NSUN4: variants seen among roughly 807,000 people sequenced by gnomAD.
NSUN4 encodes 5-cytosine rRNA methyltransferase NSUN4.
A neutral mutation model predicts 43.8 loss-of-function variants in NSUN4; 31 were observed. That is an observed-to-expected ratio of 0.71 (90% confidence interval 0.53 to 0.96). The LOEUF is 0.96. NSUN4 is among the 40% of genes least tolerant of loss of function. The pLI is 0.00. For missense variants in NSUN4, 439 were observed against 475.6 expected, an observed-to-expected ratio of 0.92 and a Z score of 0.72; for synonymous variants, 167 against 184.1, an observed-to-expected ratio of 0.91 and a Z score of 0.75.
Position 46,364,422 on chromosome 1 carries a change from AT to A in NSUN4, c.*2577del, listed in dbSNP as rs1664062391. ...CCAGGTGCGGTGGCTCACGCCTGTA[AT>A]CCCAAAACTTTGGAAGGCTGAGGCA... On this transcript the variant is annotated 3_prime_UTR_variant, in exon 6 of 6. Transcript: ENST00000474844. The A allele has an allele frequency of 1.3e-5, 2 of 152,018 alleles. No individual in the cohort carries two copies. Among genetic ancestry groups the A allele is most frequent in the African/African-American group, 4.8e-5 (2 of 41,314 alleles). The allele number at this position is 152,018 out of a possible 1,614,324, so 9.4% of individuals were successfully genotyped here. A position where few individuals can be genotyped will look rare whatever the true frequency, so the allele number is the denominator to read the frequency against.
chr1:46,369,223 G>A (rs1182532077), downstream of NSUN4, among the ~76,000 whole-genome samples: 1 of 152,082 alleles, frequency 6.6e-6, no homozygotes, highest in Non-Finnish European at 1.5e-5. Flanking sequence ...ACTTTCCATG[G>A]CCACTTTTTC....
chr1:46,347,157 G>T (rs1395358037), intron 3 of NSUN4, 82 bp downstream of exon 3: 6 of 1,431,376 alleles, frequency 4.2e-6, no homozygotes. Flanking sequence ...GGTAGGTTCG[G>T]CCAGGCGCAG....
chr1:46,368,498 C>A (rs942618549), downstream of NSUN4, among the ~76,000 whole-genome samples: 3 of 152,104 alleles, frequency 2.0e-5, no homozygotes, highest in Non-Finnish European at 4.4e-5. Flanking sequence ...AAGCCTGGAC[C>A]AATCTGCTGG....
chr1:46,341,153 T>A, intron 1 of NSUN4: 1 of 1,302,198 alleles, frequency 7.7e-7, no homozygotes, highest in Non-Finnish European at 9.8e-7. Context: ...CCAAGTTGCG[T>A]CATCACCTTC....
At position 46,362,017 on chromosome 1, in the gene NSUN4, C is replaced by A; in HGVS notation, c.*171C>A. 1 of 645,954 alleles carries A rather than the reference C, an allele frequency of 1.5e-6. No individual in the cohort carries two copies. Among genetic ancestry groups the A allele is most frequent in the Non-Finnish European group, 2.6e-6 (1 of 377,820 alleles). The allele number at this position is 645,954 out of a possible 1,614,324, so 40.0% of individuals were successfully genotyped here. ...GTAGAAGATTTGCTGTCCTGCTGTC[C>A]AATTGTGGAGCATCAGCAGGTTTCC... On this transcript the variant is annotated 3_prime_UTR_variant, in exon 6 of 6. Transcript: ENST00000474844.
At chr1:46,353,621 G>A (rs377225698) in intron 4 of NSUN4, among the ~76,000 whole-genome samples, 1 of 151,790 alleles carries the variant, frequency 6.6e-6, no homozygotes, top group Admixed American at 6.6e-5. Flanking sequence ...GATTACAAGC[G>A]CCCACCACCA....
chr1:46,362,241 G>A lies in NSUN4; in HGVS notation c.*395G>A. 5.1e-6 allele frequency: 1 copy of A among 195,994 alleles called. No individual in the cohort carries two copies. The highest frequency in any genetic ancestry group is 1.0e-5 in the Non-Finnish European group (1 of 95,766). The allele number at this position is 195,994 out of a possible 1,614,324, so 12.1% of individuals were successfully genotyped here. The stretch of plus-strand genomic sequence containing the variant: ...CTTCATGTCAGTGCAAATGCCATTA[G>A]TTCCATTTGTACCAGCCAGTTACTG... On this transcript the variant is annotated 3_prime_UTR_variant, in exon 6 of 6. Transcript: ENST00000474844.
intron 2 of NSUN4, 75 bp from the exon 3 acceptor site, chr1:46,346,846 T>G: frequency 3.1e-6 from 4 of 1,272,590 alleles, no homozygotes; most frequent in Non-Finnish European, 4.4e-6. Context: ...CCAGAGGGCA[T>G]AGACTTGGTG....
chr1:46,344,589 G>C (rs1342157212), intron 1 of NSUN4, among the ~76,000 whole-genome samples: 2 of 152,152 alleles, frequency 1.3e-5, no homozygotes, highest in Non-Finnish European at 2.9e-5. Context: ...AGTACCGTGA[G>C]AGTTACATCT....
At chr1:46,360,909 C>A in intron 5 of NSUN4, 81 bp downstream of exon 5, 1 of 1,477,016 alleles carries the variant, frequency 6.8e-7, no homozygotes. Flanking sequence ...TTACCAAGAC[C>A]ATAACCCACA....
At chr1:46,371,563 C>G in the NSUN4 span, among the ~76,000 whole-genome samples, 1 of 152,140 alleles carries the variant, frequency 6.6e-6, no homozygotes, top group African/African-American at 2.4e-5. Context: ...ACCTCGGCCT[C>G]CCAAAGTTCT....
At chr1:46,371,557 C>T in the NSUN4 span, among the ~76,000 whole-genome samples, 1 of 152,118 alleles carries the variant, frequency 6.6e-6, no homozygotes, top group Non-Finnish European at 1.5e-5. Context: ...CCGCCCACCT[C>T]GGCCTCCCAA....
chr1:46,365,904 G>A (rs1449315906), downstream of NSUN4, among the ~76,000 whole-genome samples: 1 of 152,058 alleles, frequency 6.6e-6, no homozygotes, highest in South Asian at 2.1e-4. Context: ...GAGGCGGGCG[G>A]ATCACTTAAG....
At chr1:46,361,507 T>C (rs1012317319) in intron 5 of NSUN4, 63 bp from the exon 6 acceptor site, 2 of 1,482,068 alleles carry the variant, frequency 1.3e-6, no homozygotes, top group African/African-American at 2.8e-5. Flanking sequence ...TCCAGCTCCT[T>C]ATGTTGCTCT....
intron 1 of NSUN4, chr1:46,343,372 C>G (rs929861058): frequency 1.0e-5 from 4 of 399,702 alleles, no homozygotes; most frequent in South Asian, 1.3e-4. Context: ...GATACTGTCC[C>G]CTGTGGCCTC....
intron 3 of NSUN4, among the ~76,000 whole-genome samples, chr1:46,351,248 C>T (rs1438139113): frequency 2.0e-5 from 3 of 152,166 alleles, no homozygotes; most frequent in African/African-American, 7.2e-5. Flanking sequence ...CCTGTAATCC[C>T]AGCTACTCGG....
chr1:46,370,250 A>C, the NSUN4 span, among the ~76,000 whole-genome samples: 3 of 152,170 alleles, frequency 2.0e-5, no homozygotes, highest in South Asian at 6.2e-4. Context: ...ATGTGTTTTG[A>C]GTATCCCCAG....
At chr1:46,376,656 T>G in the NSUN4 span, among the ~76,000 whole-genome samples, 1 of 152,002 alleles carries the variant, frequency 6.6e-6, no homozygotes, top group Non-Finnish European at 1.5e-5. Context: ...AGAAAACACG[T>G]GCATCACACA....
intron 4 of NSUN4, among the ~76,000 whole-genome samples, chr1:46,357,570 C>T (rs1663475845): frequency 6.6e-6 from 1 of 152,208 alleles, no homozygotes; most frequent in South Asian, 2.1e-4. Flanking sequence ...TGTTTCTCTG[C>T]ATTAGGGGCT....
Sources: allele counts gnomAD v4.1 joint callset (sites outside exome capture counted in the v4.1 genomes callset), GRCh38; gene constraint gnomAD v4.1.1; transcripts MANE v1.5; gene names NCBI Gene and HGNC (gene_info 2026-07-23, HGNC 2026-07-21).